SHLD1: variants seen among roughly 807,000 people sequenced by gnomAD.
SHLD1 encodes the protein RINN1-REV7-interacting novel NHEJ regulator 3.
In SHLD1, 3 loss-of-function variants were observed where a neutral mutation model predicts 5.5. The ratio of observed to expected loss-of-function variants is 0.54; its 90% CI spans 0.25 to 1.40. The LOEUF is 1.40. Ranked by LOEUF, SHLD1 falls within the 40% of genes most tolerant of loss-of-function variation. SHLD1 has a pLI of 0.15. For synonymous variants in SHLD1, 92 were observed against 94.3 expected (o/e 0.98, Z 0.14); for missense variants, 210 against 244.4 (o/e 0.86, Z 0.94).
intron 2 of SHLD1, among the ~76,000 whole-genome samples, chr20:5,854,976 T>TGATC (rs947389122): frequency 1.3e-5 from 2 of 151,554 alleles, no homozygotes; most frequent in Non-Finnish European, 2.9e-5. Flanking sequence ...TGGACTCAAG[T>TGATC]GATCCTCCCA....
intron 2 of SHLD1, among the ~76,000 whole-genome samples, chr20:5,776,381 G>A (rs920459088): frequency 1.3e-5 from 2 of 152,180 alleles, no homozygotes; most frequent in East Asian, 3.9e-4. Context: ...CCGTCTTCCT[G>A]TGTCCTCATA....
In SHLD1 at chr20:5,855,519, A is replaced by G. The variant is rs1466854552; in HGVS notation, c.179-7505A>G. On this transcript the variant is annotated intron_variant, in intron 2 of 2. Transcript: ENST00000303142. This position sits in a 1 kb window ranked among gnomAD's most constrained non-coding sequence, Gnocchi z 4.4. ...CCCGAGTAGCTGGGACTACAGGTGC[A>G]TGTCACCACGCCTGGCTAATTTTTG... Among the ~76,000 whole-genome samples, 2 of 151,996 alleles carry G rather than the reference A, an allele frequency of 1.3e-5. No homozygotes were observed. Among genetic ancestry groups the G allele is most frequent in the East Asian group, 1.9e-4 (1 of 5,190 alleles).
At chr20:5,776,116 C>T (rs1479330235) in intron 2 of SHLD1, among the ~76,000 whole-genome samples, 5 of 151,604 alleles carry the variant, frequency 3.3e-5, no homozygotes, top group Admixed American at 1.3e-4. Context: ...TTAGTAGAGA[C>T]GGGGTTCACC....
At chr20:5,754,724 G>T (rs1983964860) in intron 1 of SHLD1, among the ~76,000 whole-genome samples, 1 of 152,184 alleles carries the variant, frequency 6.6e-6, no homozygotes, top group Admixed American at 6.6e-5. Flanking sequence ...ATTGGCAATT[G>T]GTTGCTTTGC....
chr20:5,758,037 C>T (rs1450920801), intron 1 of SHLD1, among the ~76,000 whole-genome samples: 1 of 151,980 alleles, frequency 6.6e-6, no homozygotes, highest in Non-Finnish European at 1.5e-5. Context: ...CAGGTAAATA[C>T]CCTGATGTCA....
chr20:5,829,548 G>T (rs537346663), intron 2 of SHLD1, among the ~76,000 whole-genome samples: 2 of 152,318 alleles, frequency 1.3e-5, no homozygotes, highest in Admixed American at 1.3e-4. Context: ...TGGGCAGATG[G>T]TCTTTATAAA....
At chr20:5,805,633 C>T (rs186481268) in intron 2 of SHLD1, among the ~76,000 whole-genome samples, 80 of 150,626 alleles carry the variant, frequency 5.3e-4, no homozygotes, top group Non-Finnish European at 9.0e-4. Context: ...CAGAGTTTTG[C>T]TGTGTTTCCC....
At chr20:5,764,160 A>ATATATATATATATT (rs1568490091) in intron 1 of SHLD1, among the ~76,000 whole-genome samples, 12 of 63,288 alleles carry the variant, frequency 1.9e-4, no homozygotes, top group Admixed American at 8.5e-4. Flanking sequence ...ATTTATATTT[A>ATATATATATATATT]TATATATATA....
At chr20:5,859,143 A>G (rs2088127449) in intron 2 of SHLD1, among the ~76,000 whole-genome samples, 1 of 152,186 alleles carries the variant, frequency 6.6e-6, no homozygotes. Context: ...TACCAGCAAG[A>G]AGGGTGCTGT....
intron 2 of SHLD1, among the ~76,000 whole-genome samples, chr20:5,795,991 C>CAA (rs74601698): frequency 2.5e-4 from 34 of 133,658 alleles, no homozygotes; most frequent in African/African-American, 9.2e-4. Flanking sequence ...GACTCTGTCT[C>CAA]AAAAAAAAAA....
At chr20:5,784,414 A>G (rs2087028284) in intron 2 of SHLD1, among the ~76,000 whole-genome samples, 1 of 151,736 alleles carries the variant, frequency 6.6e-6, no homozygotes, top group Admixed American at 6.6e-5. Context: ...TGGAGAGGAT[A>G]ATAATAGAAT....
intron 2 of SHLD1, among the ~76,000 whole-genome samples, chr20:5,825,916 C>G (rs182696497): frequency 6.6e-6 from 1 of 152,332 alleles, no homozygotes; most frequent in Non-Finnish European, 1.5e-5. Flanking sequence ...TATTATGCAA[C>G]TGACGACATG....
At chr20:5,842,664 A>G (rs1268015165) in intron 2 of SHLD1, among the ~76,000 whole-genome samples, 3 of 152,018 alleles carry the variant, frequency 2.0e-5, no homozygotes, top group African/African-American at 4.8e-5. Flanking sequence ...TTTGACTTCC[A>G]TATCTCTTAT....
At chr20:5,851,536 T>C (rs1184989470) in intron 2 of SHLD1, among the ~76,000 whole-genome samples, 2 of 150,858 alleles carry the variant, frequency 1.3e-5, no homozygotes, top group African/African-American at 4.9e-5. Flanking sequence ...CCAGCCGTTG[T>C]CCAATAAAAA....
chr20:5,773,337 T>C, intron 2 of SHLD1: 1 of 594,034 alleles, frequency 1.7e-6, no homozygotes, highest in Non-Finnish European at 3.0e-6. Context: ...GAATATTTGG[T>C]TCAACAAAGA....
intron 2 of SHLD1, among the ~76,000 whole-genome samples, chr20:5,827,224 G>A (rs1233210074): frequency 2.0e-5 from 3 of 152,170 alleles, no homozygotes; most frequent in Admixed American, 6.5e-5. Flanking sequence ...GTCTTGATGC[G>A]AGCTGTGGGC....
chr20:5,801,687 G>A (rs1568509595), intron 2 of SHLD1, among the ~76,000 whole-genome samples: 2 of 152,190 alleles, frequency 1.3e-5, no homozygotes, highest in Non-Finnish European at 2.9e-5. Context: ...TGGAAGATGG[G>A]AGTGGCTCCT....
At chr20:5,844,798 TA>T (rs377558038) in intron 2 of SHLD1, among the ~76,000 whole-genome samples, 10,889 of 92,566 alleles carry the variant, frequency 0.12, 542 homozygotes, top group Non-Finnish European at 0.15. Flanking sequence ...TATATATATA[TA>T]TTTTTTTTTT....
intron 2 of SHLD1, among the ~76,000 whole-genome samples, chr20:5,845,036 G>A (rs556137720): frequency 6.6e-6 from 1 of 151,868 alleles, no homozygotes; most frequent in East Asian, 1.9e-4. Flanking sequence ...GACCTCAGGT[G>A]ATCCACCTGC....
Sources: allele counts gnomAD v4.1 joint callset (sites outside exome capture counted in the v4.1 genomes callset), GRCh38; gene constraint gnomAD v4.1.1; non-coding constraint Gnocchi (gnomAD v3.1); transcripts MANE v1.5; gene names NCBI Gene and HGNC (gene_info 2026-07-23, HGNC 2026-07-21).